PI15: variants seen among roughly 807,000 people sequenced by gnomAD.
The protein encoded by PI15 is 25 kDa trypsin inhibitor.
In PI15, 18 loss-of-function variants were observed where a neutral mutation model predicts 31.0. The ratio of observed to expected loss-of-function variants is 0.58; its 90% CI spans 0.40 to 0.86. The LOEUF is 0.86. Among genes scored for constraint, PI15 ranks in the 40% least tolerant of loss-of-function variants. PI15 has a pLI of 0.00. For synonymous variants in PI15, 118 were observed against 119.1 expected (o/e 0.99, Z 0.06); for missense variants, 282 against 328.1 (o/e 0.86, Z 1.09).
intron 2 of PI15, among the ~76,000 whole-genome samples, chr8:74,834,544 A>T (rs1189569641): frequency 6.6e-6 from 1 of 152,216 alleles, no homozygotes; most frequent in Non-Finnish European, 1.5e-5. Flanking sequence ...ATAAGCTGTC[A>T]GGGAAGGCTA....
chr8:74,826,559 ACT>A (rs1468197183), intron 2 of PI15, among the ~76,000 whole-genome samples: 1 of 152,076 alleles, frequency 6.6e-6, no homozygotes, highest in African/African-American at 2.4e-5. Flanking sequence ...TACAATTTAG[ACT>A]CTGTGAAAAT....
chr8:74,845,315 C>A, intron 4 of PI15, 55 bp downstream of exon 4: 1 of 1,582,246 alleles, frequency 6.3e-7, no homozygotes, highest in Non-Finnish European at 8.7e-7. Flanking sequence ...TATGCTAATA[C>A]TATTTTGGTG....
At position 74,844,086 on chromosome 8, in the gene PI15, G is replaced by C. The variant is rs1226321673; in HGVS notation, c.379G>C (p.Val127Leu). The change falls in exon 3 of 6, where the codon GTA (valine) becomes CTA (leucine). Residue 127 changes from valine to leucine, a missense_variant. Transcript: ENST00000260113. ...LLRFLGQNLS[V>L]RTGRYRSILQ... ...GAGATTTTTGGGCCAAAATCTATCT[G>C]TACGCACTGGAAGGTAGGAAGTAAT... The C allele has an allele frequency of 6.9e-7, 1 of 1,449,152 alleles. No homozygotes were observed. Among genetic ancestry groups the C allele is most frequent in the Non-Finnish European group, 9.7e-7 (1 of 1,029,496 alleles). 89.8% of individuals were successfully genotyped at this position (1,449,152 alleles called of 1,614,324 possible).
rs951849374 is a variant in PI15 at position 74,853,228 on chromosome 8, C to T, written c.*3975C>T. On this transcript the variant is annotated 3_prime_UTR_variant, in exon 6 of 6. Coordinates refer to ENST00000260113, the MANE Select transcript of PI15 (RefSeq NM_015886.5). ...TCTTAGCAATTAAAGTTTTTTTATTCAGTGTGAACTGTCAGTATCTATTCT... is the reference window on the plus strand; with the variant it reads ...TCTTAGCAATTAAAGTTTTTTTATTTAGTGTGAACTGTCAGTATCTATTCT... 2.0e-5 allele frequency: 3 copies of T among 152,406 alleles called. 1 individual carries two copies. Among genetic ancestry groups the T allele is most frequent in the Admixed American group, 2.0e-4 (3 of 15,250 alleles). The allele number at this position is 152,406 out of a possible 1,614,324, so 9.4% of individuals were successfully genotyped here. A position where few individuals can be genotyped will look rare whatever the true frequency, so the allele number is the denominator to read the frequency against.
At chr8:74,843,844 C>T (rs548348498) in intron 2 of PI15, 137 bp from the exon 3 acceptor site, 9 of 666,448 alleles carry the variant, frequency 1.4e-5, no homozygotes, top group East Asian at 2.6e-5. Context: ...CACTCCAGCC[C>T]GGGCAGAAAA....
rs1340570630 is a variant in PI15, at chr8:74,851,798, A to G, written c.*2545A>G. The G allele has an allele frequency of 6.6e-6, 1 of 152,128 alleles. No individual in the cohort carries two copies. Among genetic ancestry groups the G allele is most frequent in the Non-Finnish European group, 1.5e-5 (1 of 67,956 alleles). The allele number at this position is 152,128 out of a possible 1,614,324, so 9.4% of individuals were successfully genotyped here. A position where few individuals can be genotyped will look rare whatever the true frequency, so the allele number is the denominator to read the frequency against. Reference sequence around the variant, plus strand: ...ATTATATCAAAAATCCAGATAAATCATCAAATATATCAGATTAAGACCAGG... The same window carrying G: ...ATTATATCAAAAATCCAGATAAATCGTCAAATATATCAGATTAAGACCAGG... On this transcript the variant is annotated 3_prime_UTR_variant, in exon 6 of 6. Coordinates refer to ENST00000260113, the MANE Select transcript of PI15 (RefSeq NM_015886.5).
intron 2 of PI15, among the ~76,000 whole-genome samples, chr8:74,829,143 T>G (rs1810742677): frequency 1.3e-5 from 2 of 152,118 alleles, no homozygotes; most frequent in Non-Finnish European, 2.9e-5. Context: ...CAACCATTAT[T>G]TGTTGAATTT....
intron 2 of PI15, among the ~76,000 whole-genome samples, chr8:74,825,762 T>C (rs1457009734): frequency 6.6e-6 from 1 of 152,020 alleles, no homozygotes; most frequent in African/African-American, 2.4e-5. Context: ...ATGTAGACTT[T>C]CTTCTGTGAG....
intron 5 of PI15, among the ~76,000 whole-genome samples, chr8:74,848,223 C>T (rs1811052518): frequency 1.3e-5 from 2 of 152,072 alleles, no homozygotes. Context: ...TATGAATTTG[C>T]ATATGAAATA....
chr8:74,825,454 G>C lies in PI15; in HGVS notation c.205G>C (p.Ala69Pro). The change falls in exon 2 of 6, where the codon GCC becomes CCC. Residue 69 changes from alanine (A) to proline (P), a missense_variant. Transcript: ENST00000260113. ...CTACATTTCGCAGAATGACATGATC[G>C]CCATTCTTGATTATCATAATCAAGT... is the stretch of plus-strand genomic sequence containing the variant. ...KRYISQNDMI[A>P]ILDYHNQVRG... 6.2e-7 allele frequency: 1 copy of C among 1,612,656 alleles called. No individual in the cohort carries two copies. The highest frequency in any genetic ancestry group is 8.5e-7 in the Non-Finnish European group (1 of 1,179,284).
chr8:74,834,321 CT>C lies in PI15; in HGVS notation c.273+8802del, dbSNP rs562737331. On this transcript the variant is annotated intron_variant, in intron 2 of 5. Transcript: ENST00000260113. The stretch of plus-strand genomic sequence containing the variant: ...AGAATTTCTTCATGTGGAATCAAAT[CT>C]TTCTCTTTGTATTATTTATACCCTT... 2.2e-3 allele frequency among the ~76,000 whole-genome samples: 329 copies of C among 152,260 alleles called. 1 individual carries two copies. The highest frequency in any genetic ancestry group is 7.3e-3 in the African/African-American group (305 of 41,570).
At chr8:74,847,422 G>T (rs1811041630) in intron 5 of PI15, among the ~76,000 whole-genome samples, 1 of 149,852 alleles carries the variant, frequency 6.7e-6, no homozygotes, top group African/African-American at 2.5e-5. Flanking sequence ...TCCAGCCTGG[G>T]CAACAAGAGC....
intron 2 of PI15, among the ~76,000 whole-genome samples, chr8:74,833,164 GA>G: frequency 6.6e-6 from 1 of 152,140 alleles, no homozygotes; most frequent in African/African-American, 2.4e-5. Flanking sequence ...TTGAGTTGGT[GA>G]AAACAATTAA....
intron 5 of PI15, among the ~76,000 whole-genome samples, chr8:74,847,987 A>G (rs17358693): frequency 0.24 from 37,104 of 152,018 alleles, 4,967 homozygotes; most frequent in Middle Eastern, 0.31. Flanking sequence ...TTATCACCAC[A>G]CTACTGAAAA....
At chr8:74,841,322 G>A (rs1254148722) in intron 2 of PI15, among the ~76,000 whole-genome samples, 1 of 152,096 alleles carries the variant, frequency 6.6e-6, no homozygotes, top group African/African-American at 2.4e-5. Context: ...TGATGCTAGG[G>A]CTACTCAAGT....
At position 74,844,007 on chromosome 8, in the gene PI15, G is replaced by A. The variant is rs1423685861; in HGVS notation, c.300G>A (p.Ser100=). Residue 100 remains serine, a synonymous_variant, in exon 3 of 6, where the codon TCG becomes TCA. Transcript: ENST00000260113. ...TTTGGGATGAAAATCTTGCAAAATCGGCAGAGGCTTGGGCGGCTACTTGCA... is the reference window on the plus strand; with the variant it reads ...TTTGGGATGAAAATCTTGCAAAATCAGCAGAGGCTTGGGCGGCTACTTGCA... ...YMVWDENLAK[S]AEAWAATCIW... 4.4e-6 allele frequency: 7 copies of A among 1,603,870 alleles called. No individual in the cohort carries two copies. Among genetic ancestry groups the A allele is most frequent in the African/African-American group, 1.3e-5 (1 of 74,792 alleles).
chr8:74,846,572 T>C (rs1022758085), intron 5 of PI15, among the ~76,000 whole-genome samples: 5 of 152,232 alleles, frequency 3.3e-5, no homozygotes, highest in Non-Finnish European at 5.9e-5. Flanking sequence ...GTTATAATTT[T>C]CTAATATTAT....
chr8:74,845,079 A>T (rs1563569518), intron 3 of PI15, 49 bp from the exon 4 acceptor site: 2 of 1,505,614 alleles, frequency 1.3e-6, no homozygotes, highest in East Asian at 2.3e-5. Context: ...TGAGTCCCTT[A>T]TATATTACCA....
Position 74,849,546 on chromosome 8 carries a change from T to C in PI15, c.*293T>C, listed in dbSNP as rs903350820. On this transcript the variant is annotated 3_prime_UTR_variant, in exon 6 of 6. Coordinates refer to ENST00000260113, the MANE Select transcript of PI15 (RefSeq NM_015886.5). ...AAACTTACATTCCAAAGGAATTATA[T>C]CATTATGTTCCTAAGGAGTAAATAT... 1 of 259,478 alleles carries C rather than the reference T, an allele frequency of 3.9e-6. No homozygotes were observed. 16.1% of individuals were successfully genotyped at this position (259,478 alleles called of 1,614,324 possible). A position where few individuals can be genotyped will look rare whatever the true frequency, so the allele number is the denominator to read the frequency against.
Sources: gnomAD v4.1 joint callset for allele counts (sites outside exome capture counted in the v4.1 genomes callset) on GRCh38, gnomAD v4.1.1 for gene constraint, MANE v1.5 for transcripts, NCBI Gene and HGNC (gene_info 2026-07-23, HGNC 2026-07-21) for gene names.